Variants in RPRD1A observed in about 807,000 individuals in gnomAD.
RPRD1A encodes the protein regulation of nuclear pre-mRNA domain-containing protein 1A.
Under a neutral mutation model 37.8 loss-of-function variants are expected in RPRD1A, and 9 were observed. That is an observed-to-expected ratio of 0.24 (90% CI 0.14 to 0.42). The LOEUF (loss-of-function observed/expected upper bound fraction) is 0.42. Ranked by LOEUF, RPRD1A falls within the 10% of genes least tolerant of loss-of-function variation. The pLI is 1.00. For missense variants in RPRD1A, 255 were observed against 371.0 expected (o/e 0.69, Z 2.57); for synonymous variants, 138 against 139.7 (o/e 0.99, Z 0.08).
At chr18:36,022,887 A>T (rs530176422) in intron 6 of RPRD1A, among the ~76,000 whole-genome samples, 1 of 152,210 alleles carries the variant, frequency 6.6e-6, no homozygotes, top group African/African-American at 2.4e-5. Context: ...ACTTGTACTC[A>T]TGAGTTCGAG....
At chr18:36,045,536 C>G (rs561608715) in intron 1 of RPRD1A, among the ~76,000 whole-genome samples, 5 of 152,192 alleles carry the variant, frequency 3.3e-5, no homozygotes, top group African/African-American at 1.2e-4. Context: ...AGCCTGGGAA[C>G]AATACTTTTG....
intron 1 of RPRD1A, among the ~76,000 whole-genome samples, chr18:36,059,561 A>C (rs1272795758): frequency 6.6e-6 from 1 of 152,248 alleles, no homozygotes; most frequent in Non-Finnish European, 1.5e-5. Flanking sequence ...AGCGGTAGAT[A>C]TAACCCACAT....
chr18:36,043,138 C>T (rs1454610844), intron 1 of RPRD1A, among the ~76,000 whole-genome samples: 1 of 130,116 alleles, frequency 7.7e-6, no homozygotes, highest in East Asian at 2.3e-4. Context: ...TATTAAGTTA[C>T]ACACACACAC....
intron 1 of RPRD1A, among the ~76,000 whole-genome samples, chr18:36,053,213 A>G (rs1913524942): frequency 6.6e-6 from 1 of 152,192 alleles, no homozygotes; most frequent in African/African-American, 2.4e-5. Flanking sequence ...AACCACTTTA[A>G]AGCATACAAT....
At chr18:36,040,673 T>A in intron 1 of RPRD1A, 1 of 525,508 alleles carries the variant, frequency 1.9e-6, no homozygotes, top group South Asian at 2.8e-5. Flanking sequence ...AAAACTAGAG[T>A]TGTGATCACA....
In RPRD1A at chr18:36,018,308, C is replaced by T. The variant is rs1198737029; in HGVS notation, c.789+8592G>A. ...TTTTTTTTAAAGAAGGAGTCTCGCT[C>T]TGTCGCCCAGGCTGGAGTGCAGTGG... On this transcript the variant is annotated intron_variant, in intron 6 of 6. Transcript: ENST00000399022. Among the ~76,000 whole-genome samples the T allele has an allele frequency of 2.0e-5, 3 of 147,896 alleles. No homozygotes were observed. The East Asian group carries it at 5.9e-4, about 29-fold the overall frequency.
rs200752130 is a variant in RPRD1A at position 36,002,115 on chromosome 18, GTTCTC to G, written c.790-8820_790-8816del. ...TAGGCATTTTGGTATCCTGCTTGGT[GTTCTC>G]TTGAGTTTCCTGGATCAGTGGTTGG... On this transcript the variant is annotated intron_variant, in intron 6 of 6. Coordinates refer to ENST00000399022, the MANE Select transcript of RPRD1A (RefSeq NM_018170.5). Among the ~76,000 whole-genome samples the G allele has an allele frequency of 8.3e-3, 1,256 of 152,218 alleles. 23 individuals carry two copies. Among genetic ancestry groups the G allele is most frequent in the Non-Finnish European group, 7.4e-3 (506 of 68,012 alleles).
chr18:36,028,534 T>C (rs992124024), intron 4 of RPRD1A, among the ~76,000 whole-genome samples: 14 of 152,212 alleles, frequency 9.2e-5, no homozygotes, highest in African/African-American at 3.4e-4. Context: ...TCTGGCTTTA[T>C]TGTCTTGGCA....
intron 4 of RPRD1A, 173 bp from the exon 5 acceptor site, chr18:36,027,483 A>ATT (rs1911453653): frequency 3.2e-6 from 2 of 632,536 alleles, no homozygotes; most frequent in South Asian, 2.1e-5. Flanking sequence ...AGGAGGCTAT[A>ATT]CTATGTTAGG....
At chr18:36,014,549 T>C (rs1002274879) in intron 6 of RPRD1A, among the ~76,000 whole-genome samples, 1 of 152,098 alleles carries the variant, frequency 6.6e-6, no homozygotes, top group African/African-American at 2.4e-5. Flanking sequence ...CCATCCTGGC[T>C]AACACACGGT....
At chr18:36,057,449 A>G (rs1658871849) in intron 1 of RPRD1A, among the ~76,000 whole-genome samples, 1 of 152,144 alleles carries the variant, frequency 6.6e-6, no homozygotes, top group Non-Finnish European at 1.5e-5. Flanking sequence ...TCTACAAAAA[A>G]TACAAAAAAA....
chr18:36,016,817 T>A (rs553832902), intron 6 of RPRD1A, among the ~76,000 whole-genome samples: 41 of 152,168 alleles, frequency 2.7e-4, no homozygotes, highest in Non-Finnish European at 5.3e-4. Context: ...AGCTATTAAA[T>A]GAGATTTATA....
chr18:36,008,589 A>ATATATATATATATATATC (rs71381561), intron 6 of RPRD1A, among the ~76,000 whole-genome samples: 1,096 of 90,326 alleles, frequency 0.012, 146 homozygotes, highest in East Asian at 0.032. Context: ...ATATATATAT[A>ATATATATATATATATATC]TCTTTAAAAA....
chr18:36,040,682 C>T, intron 1 of RPRD1A: 1 of 534,504 alleles, frequency 1.9e-6, no homozygotes, highest in Non-Finnish European at 3.2e-6. Flanking sequence ...GTTGTGATCA[C>T]AGGAATTTTG....
intron 6 of RPRD1A, among the ~76,000 whole-genome samples, chr18:36,010,829 T>A (rs1910133033): frequency 6.6e-6 from 1 of 152,154 alleles, no homozygotes; most frequent in South Asian, 2.1e-4. Context: ...GGAGATAGAT[T>A]TCATAAACAG....
At chr18:36,054,388 G>A (rs1359867075) in intron 1 of RPRD1A, among the ~76,000 whole-genome samples, 1 of 152,176 alleles carries the variant, frequency 6.6e-6, no homozygotes, top group Non-Finnish European at 1.5e-5. Context: ...AGCTACTCGG[G>A]AGGCTGAGGC....
intron 6 of RPRD1A, among the ~76,000 whole-genome samples, chr18:35,997,357 A>C (rs1238799681): frequency 6.6e-6 from 1 of 152,190 alleles, no homozygotes; most frequent in Non-Finnish European, 1.5e-5. Context: ...ACATATATAG[A>C]ATACACTTTT....
At chr18:36,060,285 T>C (rs1462059153) in intron 1 of RPRD1A, among the ~76,000 whole-genome samples, 1 of 151,868 alleles carries the variant, frequency 6.6e-6, no homozygotes, top group African/African-American at 2.4e-5. Context: ...ACAAAAAAAT[T>C]AGCCAGGCAT....
rs1296220201 is a variant in RPRD1A at position 36,027,019 on chromosome 18, C to T, written c.670G>A (p.Ala224Thr). The change falls in exon 6 of 7, where the codon GCA becomes ACA. Residue 224 changes from alanine (A) to threonine (T), a missense_variant. By Grantham distance (58) the Ala-to-Thr change is moderately conservative. This residue lies in a region of RPRD1A where 211 missense variants were observed against 268.9 expected (regional missense o/e 0.78). Transcript: ENST00000399022. ...KMVEDACMLL[A>T]DYNGRLAAEI... ...GCCGCCAATCTGCCATTGTAATCTG[C>T]CAGCAACATACACGCATCCTCTACC... 6.2e-7 allele frequency: 1 copy of T among 1,613,860 alleles called. No individual in the cohort carries two copies. The highest frequency in any genetic ancestry group is 2.2e-5 in the East Asian group (1 of 44,884).
Sources: gnomAD v4.1 joint callset for allele counts (sites outside exome capture counted in the v4.1 genomes callset) on GRCh38, gnomAD v4.1.1 for gene constraint, gnomAD v4.1.1 regional missense constraint, MANE v1.5 for transcripts, NCBI Gene and HGNC (gene_info 2026-07-23, HGNC 2026-07-21) for gene names.